Variants in EBF1 observed in about 807,000 individuals in gnomAD.
The protein encoded by EBF1 is transcription factor COE1.
A neutral mutation model predicts 68.4 loss-of-function variants in EBF1; 10 were observed. The ratio of observed to expected loss-of-function variants is 0.15; its 90% CI spans 0.09 to 0.25. The LOEUF is 0.25. EBF1 is among the 10% of genes least tolerant of loss of function. EBF1 has a pLI of 1.00. For missense variants in EBF1, 509 were observed against 794.4 expected (o/e 0.64, Z 4.32); for synonymous variants, 298 against 299.8 (o/e 0.99, Z 0.06).
At chr5:159,076,589 AG>A (rs1778822459) in intron 5 of EBF1, among the ~76,000 whole-genome samples, 1 of 152,190 alleles carries the variant, frequency 6.6e-6, no homozygotes, top group South Asian at 2.1e-4. Flanking sequence ...AGAAAAGTAG[AG>A]AAAAAAGAAT....
At position 158,796,455 on chromosome 5, in the gene EBF1, T is replaced by C. The variant is rs1779625523; in HGVS notation, c.799A>G (p.Ile267Val). 1 of 1,613,072 alleles carries C rather than the reference T, an allele frequency of 6.2e-7. No homozygotes were observed. Among genetic ancestry groups the C allele is most frequent in the South Asian group, 1.1e-5 (1 of 90,918 alleles). ...LEHATPCIKA[I>V]SPSEGWTTGG... is the part of the protein sequence containing the mutation. ...GTCGTCCATCCTTCACTCGGGCTGA[T>C]GGCTTTGATACAGGGAGTAGCTGCT... Residue 267 changes from isoleucine (I) to valine (V), a missense_variant, in exon 9 of 16, where the codon ATC becomes GTC. Ile to Val is a conservative substitution (Grantham distance 29). Transcript: ENST00000313708.
chr5:158,955,194 G>A (rs1583447271), intron 6 of EBF1, among the ~76,000 whole-genome samples: 1 of 152,012 alleles, frequency 6.6e-6, no homozygotes, highest in East Asian at 1.9e-4. Context: ...GTGGTGGCGG[G>A]CACCTGTAAT....
chr5:158,749,145 G>A (rs1234064834), intron 10 of EBF1, among the ~76,000 whole-genome samples: 1 of 152,044 alleles, frequency 6.6e-6, no homozygotes, highest in Non-Finnish European at 1.5e-5. Context: ...CCGAGTATGT[G>A]GCCTCTTAAA....
intron 6 of EBF1, among the ~76,000 whole-genome samples, chr5:158,899,998 A>G (rs1219589518): frequency 6.6e-6 from 1 of 152,140 alleles, no homozygotes; most frequent in East Asian, 1.9e-4. Flanking sequence ...GCTGGGAGGC[A>G]AGAGGCTTCC....
chr5:158,911,022 G>A (rs888204311), intron 6 of EBF1, among the ~76,000 whole-genome samples: 1 of 152,086 alleles, frequency 6.6e-6, no homozygotes, highest in Non-Finnish European at 1.5e-5. Context: ...GCAGTCAGGG[G>A]AGAGTACCGA....
At chr5:158,889,176 TA>T (rs1582914603) in intron 6 of EBF1, among the ~76,000 whole-genome samples, 1 of 152,176 alleles carries the variant, frequency 6.6e-6, no homozygotes, top group Non-Finnish European at 1.5e-5. Flanking sequence ...TTTAAACACC[TA>T]ATACTGTATG....
At chr5:158,832,920 A>G (rs1274298618) in intron 7 of EBF1, among the ~76,000 whole-genome samples, 1 of 152,164 alleles carries the variant, frequency 6.6e-6, no homozygotes, top group Non-Finnish European at 1.5e-5. Context: ...CCTCTTCTTT[A>G]CTATCCAAAT....
Position 158,942,447 on chromosome 5 carries a change from G to A in EBF1, c.555-102337C>T, listed in dbSNP as rs571942137. ...AAATTGGGGATAATAATAGTAGCTG[G>A]AACCCCATAGGAAAAAAACATTTAG... is the stretch of plus-strand genomic sequence containing the variant. On this transcript the variant is annotated intron_variant, in intron 6 of 15. Coordinates refer to ENST00000313708, the MANE Select transcript of EBF1 (RefSeq NM_024007.5). Among the ~76,000 whole-genome samples, 14 of 152,242 alleles carry A rather than the reference G, an allele frequency of 9.2e-5. 1 individual carries two copies. The South Asian group carries it at 2.5e-3, about 27-fold the overall frequency.
At chr5:158,702,253 T>C (rs547949052) in intron 15 of EBF1, among the ~76,000 whole-genome samples, 1 of 152,256 alleles carries the variant, frequency 6.6e-6, no homozygotes, top group East Asian at 1.9e-4. Flanking sequence ...ATATCTGTGC[T>C]GCAATCTGAA....
At chr5:159,095,266 T>C (rs1177978018) in intron 4 of EBF1, among the ~76,000 whole-genome samples, 1 of 152,038 alleles carries the variant, frequency 6.6e-6, no homozygotes, top group Non-Finnish European at 1.5e-5. Context: ...TTGCTTGGGT[T>C]TCAAAGGTTC....
At chr5:158,891,307 G>A (rs543800797) in intron 6 of EBF1, among the ~76,000 whole-genome samples, 3 of 152,280 alleles carry the variant, frequency 2.0e-5, no homozygotes, top group South Asian at 2.1e-4. Flanking sequence ...TCTGAGCAAC[G>A]AAAATTGATT....
At chr5:158,958,777 A>G (rs541277878) in intron 6 of EBF1, among the ~76,000 whole-genome samples, 2 of 152,242 alleles carry the variant, frequency 1.3e-5, no homozygotes, top group Non-Finnish European at 2.9e-5. Flanking sequence ...TTACACAACC[A>G]GAAACGCCGT....
chr5:158,760,601 C>T (rs957453860), intron 10 of EBF1, among the ~76,000 whole-genome samples: 2 of 151,982 alleles, frequency 1.3e-5, no homozygotes, highest in Non-Finnish European at 1.5e-5. Flanking sequence ...GCAACTATTC[C>T]AACTCTGCAG....
At chr5:158,862,969 C>A (rs1273910523) in intron 6 of EBF1, among the ~76,000 whole-genome samples, 2 of 152,186 alleles carry the variant, frequency 1.3e-5, no homozygotes, top group African/African-American at 4.8e-5. Context: ...CCTGAGAGGT[C>A]AGCCTCAAAT....
At chr5:158,780,445 G>C (rs891823820) in intron 9 of EBF1, among the ~76,000 whole-genome samples, 5 of 152,034 alleles carry the variant, frequency 3.3e-5, no homozygotes, top group African/African-American at 1.2e-4. Context: ...CACTTTCTTA[G>C]TTTTGTCATA....
chr5:158,896,536 G>T (rs1036590597), intron 6 of EBF1, among the ~76,000 whole-genome samples: 10 of 152,138 alleles, frequency 6.6e-5, no homozygotes, highest in African/African-American at 2.4e-4. Context: ...ACTTCCTGAT[G>T]AAAAAAATCA....
In EBF1 at chr5:158,710,220, T is replaced by C. The variant is rs537899900; in HGVS notation, c.1549+1934A>G. On this transcript the variant is annotated intron_variant, in intron 14 of 15. Coordinates refer to ENST00000313708, the MANE Select transcript of EBF1 (RefSeq NM_024007.5). Reference sequence around the variant, plus strand: ...GAGAGCATATTTGAGAATTTAATACTATGTTTGTGAGCACTGAGAAAATCA... The same window carrying C: ...GAGAGCATATTTGAGAATTTAATACCATGTTTGTGAGCACTGAGAAAATCA... 3.4e-4 allele frequency among the ~76,000 whole-genome samples: 52 copies of C among 152,344 alleles called. No homozygotes were observed. In the South Asian group the frequency reaches 9.1e-3, roughly 27 times the overall value.
intron 6 of EBF1, among the ~76,000 whole-genome samples, chr5:158,974,548 T>C (rs1157336233): frequency 6.6e-6 from 1 of 152,246 alleles, no homozygotes; most frequent in African/African-American, 2.4e-5. Flanking sequence ...GACAATTTCT[T>C]GAATACACAC....
chr5:159,089,794 AAAG>A (rs1402516759), intron 4 of EBF1, among the ~76,000 whole-genome samples: 4 of 151,910 alleles, frequency 2.6e-5, no homozygotes, highest in African/African-American at 4.8e-5. Context: ...AGAAAAAAGA[AAAG>A]AAGAAAGAAA....
Sources: gnomAD v4.1 joint callset for allele counts (sites outside exome capture counted in the v4.1 genomes callset) on GRCh38, gnomAD v4.1.1 for gene constraint, MANE v1.5 for transcripts, NCBI Gene and HGNC (gene_info 2026-07-23, HGNC 2026-07-21) for gene names.